LGALS1: variants seen among roughly 807,000 people sequenced by gnomAD.
LGALS1 encodes the protein galectin 1.
LGALS1 carries 14 observed loss-of-function variants against 14.4 expected under a neutral mutation model. The ratio of observed to expected loss-of-function variants is 0.97; its 90% CI spans 0.64 to 1.52. LGALS1 has a LOEUF of 1.52. Ranked by LOEUF, LGALS1 falls within the 40% of genes most tolerant of loss-of-function variation. The probability of loss-of-function intolerance (pLI) is 0.00; values close to 1 mark genes in which losing one functional copy is unlikely to be tolerated. For missense variants in LGALS1, 170 were observed against 181.4 expected, an observed-to-expected ratio of 0.94 and a Z score of 0.36; for synonymous variants, 71 against 73.4, an observed-to-expected ratio of 0.97 and a Z score of 0.17.
Position 37,675,727 on chromosome 22 carries a change from C to T in LGALS1, c.9+16C>T, listed in dbSNP as rs905061089. The T allele has an allele frequency of 3.9e-6, 6 of 1,538,434 alleles. No homozygotes were observed. The South Asian group carries it at 4.8e-5, about 12-fold the overall frequency. ...CATGGCTTGTGTGAGTGTGGGGACC[C>T]CCCCCCAAGGTCCAGGGGATAGGGC... On this transcript the variant is annotated intron_variant, in intron 1 of 3. Transcript: ENST00000215909.
At chr22:37,676,089 T>C (rs1048424402) in intron 1 of LGALS1, 3 of 183,496 alleles carry the variant, frequency 1.6e-5, no homozygotes, top group Non-Finnish European at 3.4e-5. Flanking sequence ...CCCCTGCAGC[T>C]GTCCCGGTCA....
chr22:37,678,338 T>C, intron 2 of LGALS1, 145 bp from the exon 3 acceptor site: 1 of 870,244 alleles, frequency 1.1e-6, no homozygotes, highest in Non-Finnish European at 1.9e-6. Context: ...GCAGGTGGCA[T>C]GGCCAGAGCT....
chr22:37,678,411 G>A (rs1921513092), intron 2 of LGALS1, 72 bp from the exon 3 acceptor site: 1 of 1,527,174 alleles, frequency 6.5e-7, no homozygotes, highest in African/African-American at 1.4e-5. Context: ...ATGGGATACT[G>A]AGTGACAGAT....
intron 1 of LGALS1, among the ~76,000 whole-genome samples, 172 bp downstream of exon 1, chr22:37,675,883 T>A (rs1216702607): frequency 2.0e-5 from 3 of 152,198 alleles, no homozygotes; most frequent in African/African-American, 7.2e-5. Flanking sequence ...GTGGGCGCCA[T>A]GGTCCCTCAA....
rs746324329 is a variant in LGALS1, at chr22:37,678,559, G to GCA, written c.167_168insAC (p.Asn57ProfsTer42). 4.3e-6 allele frequency: 7 copies of GCA among 1,613,444 alleles called. No individual in the cohort carries two copies. The highest frequency in any genetic ancestry group is 3.3e-5 in the Admixed American group (2 of 60,000). On this transcript the variant is annotated frameshift_variant, in exon 3 of 4. Transcript: ENST00000215909. LOFTEE classifies it high-confidence loss of function. ...CCCTCGCTTCAACGCCCACGGCGACGCCAACACCATCGTGTGCAACAGCAA... is the reference window on the plus strand; with the variant it reads ...CCCTCGCTTCAACGCCCACGGCGACGCACCAACACCATCGTGTGCAACAGCAA...
chr22:37,677,178 C>A (rs1476714212), intron 2 of LGALS1, 113 bp downstream of exon 2: 3 of 1,033,816 alleles, frequency 2.9e-6, no homozygotes, highest in South Asian at 3.0e-5. Flanking sequence ...TAACGGCCAG[C>A]CGCCGATGCT....
At chr22:37,675,740 C>T in intron 1 of LGALS1, 29 bp downstream of exon 1, 2 of 1,533,382 alleles carry the variant, frequency 1.3e-6, no homozygotes, top group East Asian at 2.5e-5. Flanking sequence ...CCCCAAGGTC[C>T]AGGGGATAGG....
rs751995261 is a variant in LGALS1 at position 37,679,637 on chromosome 22, T to A, written c.296T>A (p.Val99Asp). The A allele has an allele frequency of 1.2e-6, 2 of 1,608,900 alleles. No individual in the cohort carries two copies. Among genetic ancestry groups the A allele is most frequent in the African/African-American group, 2.7e-5 (2 of 74,678 alleles). Reference sequence around the variant, plus strand: ...ACCTTCGACCAGGCCAACCTGACCGTCAAGCTGCCAGATGGATACGAATTC... The same window carrying A: ...ACCTTCGACCAGGCCAACCTGACCGACAAGCTGCCAGATGGATACGAATTC... ...CITFDQANLT[V>D]KLPDGYEFKF... Residue 99 changes from valine to aspartate, a missense_variant, in exon 4 of 4, where the codon GTC becomes GAC. By Grantham distance (152) the Val-to-Asp change is radical. Transcript: ENST00000215909.
chr22:37,678,609 G>A lies in LGALS1; in HGVS notation c.216G>A (p.Glu72=). Residue 72 remains glutamate (E), a synonymous_variant, in exon 3 of 4, where the codon GAG becomes GAA. Transcript: ENST00000215909. Reference sequence around the variant, plus strand: ...AGGACGGCGGGGCCTGGGGGACCGAGCAGCGGGAGGCTGTCTTTCCCTTCC... The same window carrying A: ...AGGACGGCGGGGCCTGGGGGACCGAACAGCGGGAGGCTGTCTTTCCCTTCC... The part of the protein sequence containing the change: ...NSKDGGAWGT[E]QREAVFPFQP... The A allele has an allele frequency of 1.2e-6, 2 of 1,611,982 alleles. No individual in the cohort carries two copies. Among genetic ancestry groups the A allele is most frequent in the Non-Finnish European group, 8.5e-7 (1 of 1,179,482 alleles).
At chr22:37,677,668 C>G (rs1260501534) in intron 2 of LGALS1, 2 of 153,422 alleles carry the variant, frequency 1.3e-5, no homozygotes, top group African/African-American at 4.8e-5. Context: ...TGTTAAGAGC[C>G]GCACACTTCT....
At chr22:37,678,377 G>A in intron 2 of LGALS1, 106 bp from the exon 3 acceptor site, 1 of 1,243,232 alleles carries the variant, frequency 8.0e-7, no homozygotes, top group Non-Finnish European at 1.2e-6. Context: ...CTCTGTTAGT[G>A]AGTTCTTCCA....
chr22:37,679,525 G>A, intron 3 of LGALS1, 78 bp from the exon 4 acceptor site: 1 of 1,351,470 alleles, frequency 7.4e-7, no homozygotes, highest in Non-Finnish European at 9.9e-7. Context: ...CTGGGGCTGT[G>A]TCAGGGCCAC....
At chr22:37,676,626 T>A (rs1183605877) in intron 1 of LGALS1, among the ~76,000 whole-genome samples, 2 of 152,052 alleles carry the variant, frequency 1.3e-5, no homozygotes, top group Admixed American at 1.3e-4. Flanking sequence ...GTGGGCCAAG[T>A]GTCGGCCCCT....
intron 1 of LGALS1, 89 bp from the exon 2 acceptor site, chr22:37,676,897 C>A: frequency 7.4e-7 from 1 of 1,348,340 alleles, no homozygotes; most frequent in Non-Finnish European, 1.1e-6. Context: ...GCGGGAACAA[C>A]CCCACTCCCA....
At chr22:37,679,459 A>T in intron 3 of LGALS1, 144 bp from the exon 4 acceptor site, 1 of 595,728 alleles carries the variant, frequency 1.7e-6, no homozygotes, top group Non-Finnish European at 2.5e-6. Flanking sequence ...TCATAGGATT[A>T]GAGTAAAAAG....
intron 2 of LGALS1, 68 bp downstream of exon 2, chr22:37,677,133 C>T: frequency 6.8e-7 from 1 of 1,475,682 alleles, no homozygotes; most frequent in Non-Finnish European, 9.4e-7. Context: ...GCGTGGCCGG[C>T]CAAGCCCACA....
chr22:37,678,030 G>A (rs952807663), intron 2 of LGALS1, among the ~76,000 whole-genome samples: 5 of 152,062 alleles, frequency 3.3e-5, no homozygotes, highest in African/African-American at 9.7e-5. Context: ...TGATCTGCCC[G>A]CTCGCCTCGG....
rs138764984 is a variant in LGALS1, at chr22:37,677,018, T to C, written c.42T>C (p.Pro14=). Residue 14 remains proline, a synonymous_variant, in exon 2 of 4, where the codon CCT becomes CCC. Coordinates refer to ENST00000215909, the MANE Select transcript of LGALS1 (RefSeq NM_002305.4). ...GLVASNLNLK[P]GECLRVRGEV... ...TCGCCAGCAACCTGAATCTCAAACC[T>C]GGAGAGTGCCTTCGAGTGCGAGGCG... is the stretch of plus-strand genomic sequence containing the variant. The C allele has an allele frequency of 6.4e-5, 104 of 1,613,860 alleles. No individual in the cohort carries two copies. The highest frequency in any genetic ancestry group is 8.4e-5 in the Non-Finnish European group (99 of 1,179,974).
chr22:37,678,317 G>T, intron 2 of LGALS1, 166 bp from the exon 3 acceptor site: 1 of 758,806 alleles, frequency 1.3e-6, no homozygotes, highest in South Asian at 1.5e-5. Context: ...AACAGGGGAA[G>T]AGGGGCAGGA....
Sources: allele counts gnomAD v4.1 joint callset (sites outside exome capture counted in the v4.1 genomes callset), GRCh38; gene constraint gnomAD v4.1.1; transcripts MANE v1.5; gene names NCBI Gene and HGNC (gene_info 2026-07-23, HGNC 2026-07-21).